DENND1B: variants seen among roughly 807,000 people sequenced by gnomAD.
The protein encoded by DENND1B is DENN domain containing 1B.
Under a neutral mutation model 90.1 loss-of-function variants are expected in DENND1B, and 59 were observed. That is an observed-to-expected ratio of 0.65 (90% CI 0.53 to 0.81). The LOEUF (loss-of-function observed/expected upper bound fraction) is 0.81, where lower values mean the gene tolerates loss of function less well. DENND1B is among the 40% of genes least tolerant of loss of function. DENND1B has a pLI of 0.00. For missense variants in DENND1B, 862 were observed against 912.6 expected, an observed-to-expected ratio of 0.94 and a Z score of 0.71; for synonymous variants, 337 against 324.6, an observed-to-expected ratio of 1.04 and a Z score of -0.41.
At chr1:197,568,702 TC>T (rs1672898831) in intron 15 of DENND1B, among the ~76,000 whole-genome samples, 1 of 152,058 alleles carries the variant, frequency 6.6e-6, no homozygotes. Context: ...TCCATACATT[TC>T]CCATCAACTG....
At chr1:197,527,189 C>T (rs1421741870) in intron 20 of DENND1B, among the ~76,000 whole-genome samples, 2 of 151,942 alleles carry the variant, frequency 1.3e-5, no homozygotes, top group Admixed American at 6.6e-5. Context: ...ATCTTTGGAA[C>T]GCTGACTGCT....
At chr1:197,598,681 T>C (rs1480425916) in intron 13 of DENND1B, among the ~76,000 whole-genome samples, 1 of 151,862 alleles carries the variant, frequency 6.6e-6, no homozygotes, top group Non-Finnish European at 1.5e-5. Context: ...TTTGGAGCCT[T>C]AGTCATATGG....
At position 197,619,318 on chromosome 1, in the gene DENND1B, T is replaced by A. The variant is rs1251879469; in HGVS notation, c.673-1559A>T. On this transcript the variant is annotated intron_variant, in intron 10 of 22. Coordinates refer to ENST00000620048, the MANE Select transcript of DENND1B (RefSeq NM_001195215.2). ...TAGAGGGAAATGAAAATGGGGTTGA[T>A]CTAACTCATTGTGTCAAATTCTCCA... 2.0e-5 allele frequency among the ~76,000 whole-genome samples: 3 copies of A among 151,316 alleles called. No homozygotes were observed. In the East Asian group the frequency reaches 5.9e-4, roughly 30 times the overall value.
At chr1:197,777,908 T>C (rs1657340788), upstream of DENND1B, among the ~76,000 whole-genome samples, 2 of 152,174 alleles carry the variant, frequency 1.3e-5, no homozygotes, top group South Asian at 4.1e-4. Context: ...TCTAAATATA[T>C]GTCCATGATC....
At chr1:197,535,789 C>A (rs1027255744) in intron 20 of DENND1B, among the ~76,000 whole-genome samples, 1 of 152,060 alleles carries the variant, frequency 6.6e-6, no homozygotes. Flanking sequence ...GTTTATTGAA[C>A]GAAGAATTAA....
At chr1:197,770,713 A>AATATATATCTATAGATATATATAAAT (rs1656396315) in intron 2 of DENND1B, among the ~76,000 whole-genome samples, 1 of 142,272 alleles carries the variant, frequency 7.0e-6, no homozygotes, top group Non-Finnish European at 1.5e-5. Flanking sequence ...TAAATATATA[A>AATATATATCTATAGATATATATAAAT]ATATATATCT....
intron 15 of DENND1B, among the ~76,000 whole-genome samples, chr1:197,557,421 A>C (rs1321584022): frequency 6.6e-6 from 1 of 151,904 alleles, no homozygotes; most frequent in Admixed American, 6.6e-5. Context: ...GAACAGTTCA[A>C]GTCTAAAAAG....
chr1:197,603,171 T>C (rs994734844), intron 13 of DENND1B, among the ~76,000 whole-genome samples: 56 of 151,410 alleles, frequency 3.7e-4, no homozygotes, highest in African/African-American at 1.3e-3. Context: ...AATAGTATTA[T>C]ATTTAAGATG....
intron 10 of DENND1B, among the ~76,000 whole-genome samples, chr1:197,638,637 A>G (rs1679998826): frequency 6.6e-6 from 1 of 152,164 alleles, no homozygotes; most frequent in Non-Finnish European, 1.5e-5. Context: ...TGGTCACAAA[A>G]CAGCAATAAG....
chr1:197,782,121 A>C, the DENND1B span, among the ~76,000 whole-genome samples: 2 of 152,206 alleles, frequency 1.3e-5, no homozygotes, highest in African/African-American at 4.8e-5. Flanking sequence ...GATGGTAATC[A>C]GTGGAGTCAA....
At chr1:197,681,552 T>C (rs1293437767) in intron 3 of DENND1B, among the ~76,000 whole-genome samples, 3 of 152,210 alleles carry the variant, frequency 2.0e-5, no homozygotes, top group Non-Finnish European at 4.4e-5. Context: ...GAAGTATTTA[T>C]TGGTCTCATC....
At chr1:197,549,226 C>T (rs576105161) in intron 16 of DENND1B, among the ~76,000 whole-genome samples, 1 of 152,184 alleles carries the variant, frequency 6.6e-6, no homozygotes, top group Non-Finnish European at 1.5e-5. Flanking sequence ...ACTTTCTCCT[C>T]AAATGTACTT....
intron 10 of DENND1B, among the ~76,000 whole-genome samples, chr1:197,631,176 C>T (rs1679290644): frequency 6.6e-6 from 1 of 152,056 alleles, no homozygotes; most frequent in Admixed American, 6.6e-5. Context: ...ATTTTTTCTT[C>T]ACAAATATCT....
chr1:197,590,824 C>A (rs1008559944), intron 14 of DENND1B, among the ~76,000 whole-genome samples: 2 of 152,104 alleles, frequency 1.3e-5, no homozygotes, highest in Non-Finnish European at 2.9e-5. Context: ...TCACAAAGGT[C>A]CTTTCTTCCT....
intron 10 of DENND1B, among the ~76,000 whole-genome samples, chr1:197,639,688 TA>T (rs1379738929): frequency 1.3e-5 from 2 of 152,074 alleles, no homozygotes; most frequent in Non-Finnish European, 1.5e-5. Flanking sequence ...CCGTGATATA[TA>T]AAAATATGAG....
At chr1:197,739,128 AATCCCAGG>A (rs1558464670) in intron 2 of DENND1B, among the ~76,000 whole-genome samples, 1 of 152,180 alleles carries the variant, frequency 6.6e-6, no homozygotes, top group Non-Finnish European at 1.5e-5. Flanking sequence ...ATGGGGGGGA[AATCCCAGG>A]ATCAGCTGAC....
intron 10 of DENND1B, among the ~76,000 whole-genome samples, chr1:197,619,517 C>T (rs569584017): frequency 1.3e-5 from 2 of 151,010 alleles, no homozygotes; most frequent in Non-Finnish European, 3.0e-5. Flanking sequence ...TCATTTAAAG[C>T]CTTAAAAACA....
rs1662288662 is a variant in DENND1B at position 197,732,989 on chromosome 1, T to C, written c.83-17915A>G. Among the ~76,000 whole-genome samples the C allele has an allele frequency of 2.0e-5, 3 of 152,134 alleles. No individual in the cohort carries two copies. The South Asian group carries it at 6.2e-4, about 32-fold the overall frequency. On this transcript the variant is annotated intron_variant, in intron 2 of 22. Coordinates refer to ENST00000620048, the MANE Select transcript of DENND1B (RefSeq NM_001195215.2). ...AATACCAAATTGGAAAGAGTCTTAATTATGTACCGCAGATATGCAGTGTCC... is the reference window on the plus strand; with the variant it reads ...AATACCAAATTGGAAAGAGTCTTAACTATGTACCGCAGATATGCAGTGTCC...
chr1:197,692,343 C>A (rs370640560), intron 3 of DENND1B, among the ~76,000 whole-genome samples: 2 of 151,778 alleles, frequency 1.3e-5, no homozygotes, highest in Non-Finnish European at 2.9e-5. Flanking sequence ...TAAATATATA[C>A]CATTTTATGG....
Sources: gnomAD v4.1 joint callset for allele counts (sites outside exome capture counted in the v4.1 genomes callset) on GRCh38, gnomAD v4.1.1 for gene constraint, MANE v1.5 for transcripts, NCBI Gene and HGNC (gene_info 2026-07-23, HGNC 2026-07-21) for gene names.